Variants in ALDH1L2 observed in about 807,000 individuals in gnomAD.
The protein encoded by ALDH1L2 is mitochondrial 10-formyltetrahydrofolate dehydrogenase.
In ALDH1L2, 91 loss-of-function variants were observed where a neutral mutation model predicts 111.0. The observed-to-expected ratio is 0.82, with a 90% CI of 0.69 to 0.98. The LOEUF (loss-of-function observed/expected upper bound fraction) is 0.98. Among genes scored for constraint, ALDH1L2 ranks in the 50% least tolerant of loss-of-function variants. The pLI is 0.00. For synonymous variants in ALDH1L2, 374 were observed against 392.6 expected (o/e 0.95, Z 0.56); for missense variants, 995 against 1,126.8 (o/e 0.88, Z 1.67).
In ALDH1L2 at chr12:105,074,587, CTT is replaced by C. The variant is rs1877940772; in HGVS notation, c.49-584_49-583del. 2.7e-4 allele frequency among the ~76,000 whole-genome samples: 41 copies of C among 152,068 alleles called. No homozygotes were observed. In the South Asian group the frequency reaches 8.3e-3, roughly 31 times the overall value. On this transcript the variant is annotated intron_variant, in intron 1 of 22. Transcript: ENST00000258494. ...CGCAGAACTCTCTCTACTTTACATT[CTT>C]CCATGTTAGCATGTGGCTCCACGGG...
intron 22 of ALDH1L2, 37 bp from the exon 23 acceptor site, chr12:105,024,516 G>A (rs7304326): frequency 0.15 from 240,238 of 1,598,558 alleles, 24,827 homozygotes; most frequent in East Asian, 0.54. Flanking sequence ...ACCACATTCA[G>A]AGGCAGACAT....
chr12:105,034,652 T>C (rs370887281), intron 18 of ALDH1L2, among the ~76,000 whole-genome samples: 19 of 152,306 alleles, frequency 1.2e-4, no homozygotes, highest in African/African-American at 2.2e-4. Context: ...AATGTATGTG[T>C]AACAATAAAG....
chr12:105,048,222 G>A (rs1876032428), intron 13 of ALDH1L2: 1 of 152,196 alleles, frequency 6.6e-6, no homozygotes, highest in Admixed American at 6.5e-5. Context: ...AACTTGCAAA[G>A]TATGTATTAC....
intron 1 of ALDH1L2, among the ~76,000 whole-genome samples, chr12:105,079,188 G>A (rs1019530707): frequency 1.3e-5 from 2 of 152,140 alleles, no homozygotes; most frequent in Admixed American, 6.5e-5. Flanking sequence ...CAATCCACCT[G>A]TAGCATAGTC....
At chr12:105,039,881 C>T (rs1168315774) in intron 16 of ALDH1L2, 75 bp from the exon 17 acceptor site, 20 of 1,335,900 alleles carry the variant, frequency 1.5e-5, no homozygotes, top group South Asian at 4.7e-5. Context: ...CTGTAATCCC[C>T]GCACTTTGGG....
At chr12:105,031,972 TTAATAA>T (rs1874724434) in intron 19 of ALDH1L2, 38 bp from the exon 20 acceptor site, 1 of 1,600,540 alleles carries the variant, frequency 6.2e-7, no homozygotes, top group Non-Finnish European at 8.5e-7. Context: ...CAATTCACTG[TTAATAA>T]TAATGGAGTT....
At chr12:105,040,499 G>C (rs1875467725) in intron 16 of ALDH1L2, 108 bp downstream of exon 16, 1 of 1,005,904 alleles carries the variant, frequency 9.9e-7, no homozygotes. Context: ...ATTGTATTTA[G>C]TTTTAATACA....
At position 105,074,457 on chromosome 12, in the gene ALDH1L2, C is replaced by CAAAAAAAAAAAA. The variant is rs1565974203; in HGVS notation, c.49-453_49-452insTTTTTTTTTTTT. Among the ~76,000 whole-genome samples, 23 of 93,608 alleles carry CAAAAAAAAAAAA rather than the reference C, an allele frequency of 2.5e-4. 1 individual carries two copies. The highest frequency in any genetic ancestry group is 1.4e-3 in the African/African-American group (21 of 14,898). 61.4% of individuals were successfully genotyped at this position (93,608 alleles called of 152,430 possible). A position where few individuals can be genotyped will look rare whatever the true frequency, so the allele number is the denominator to read the frequency against. ...TGAGTGACAGAGCAAGACTCTGTCT[C>CAAAAAAAAAAAA]CAAAAAAAAAAAAAAAAAAAAAAAA... On this transcript the variant is annotated intron_variant, in intron 1 of 22. Transcript: ENST00000258494.
chr12:105,064,754 A>G (rs1210706854), intron 6 of ALDH1L2, among the ~76,000 whole-genome samples: 1 of 152,148 alleles, frequency 6.6e-6, no homozygotes, highest in African/African-American at 2.4e-5. Flanking sequence ...GGGCTGAGTC[A>G]ATTACCCATG....
chr12:105,026,463 A>T, intron 22 of ALDH1L2, 82 bp downstream of exon 22: 2 of 1,521,398 alleles, frequency 1.3e-6, no homozygotes, highest in Non-Finnish European at 1.8e-6. Flanking sequence ...CCTCAAAGTC[A>T]CACACAAGTC....
chr12:105,067,726 G>C (rs1245862021), intron 4 of ALDH1L2, among the ~76,000 whole-genome samples: 2 of 152,056 alleles, frequency 1.3e-5, no homozygotes, highest in Admixed American at 1.3e-4. Flanking sequence ...AGCACACGGA[G>C]GGAGCCACAG....
chr12:105,034,690 TAAAAG>T (rs1384898323), intron 18 of ALDH1L2, among the ~76,000 whole-genome samples: 10 of 152,256 alleles, frequency 6.6e-5, no homozygotes, highest in Admixed American at 1.3e-4. Context: ...AATTTTGTGT[TAAAAG>T]AAAATCTAGG....
At chr12:105,079,656 C>A (rs1333263612) in intron 1 of ALDH1L2, among the ~76,000 whole-genome samples, 1 of 152,046 alleles carries the variant, frequency 6.6e-6, no homozygotes, top group African/African-American at 2.4e-5. Flanking sequence ...ACAGAATTTA[C>A]TATAATATTT....
intron 1 of ALDH1L2, among the ~76,000 whole-genome samples, chr12:105,077,737 A>AT (rs1878136466): frequency 1.5e-5 from 2 of 136,686 alleles, no homozygotes; most frequent in South Asian, 2.4e-4. Context: ...TGCTCCAAGA[A>AT]TTAAAAAAAA....
At chr12:105,027,096 A>C (rs1874456193) in intron 21 of ALDH1L2, among the ~76,000 whole-genome samples, 1 of 152,224 alleles carries the variant, frequency 6.6e-6, no homozygotes, top group Non-Finnish European at 1.5e-5. Context: ...GCTGATCTCA[A>C]ACTCCTGGCC....
chr12:105,074,036 G>A (rs757378964), intron 1 of ALDH1L2, 31 bp from the exon 2 acceptor site: 1 of 1,613,490 alleles, frequency 6.2e-7, no homozygotes, highest in East Asian at 2.2e-5. Flanking sequence ...GAAGACATAA[G>A]CATGGATAGA....
At chr12:105,071,595 A>G (rs1877689430) in intron 2 of ALDH1L2, among the ~76,000 whole-genome samples, 2 of 126,944 alleles carry the variant, frequency 1.6e-5, no homozygotes, top group South Asian at 5.2e-4. Context: ...ATTTAAGTAC[A>G]CAGTTTTATA....
At position 105,052,816 on chromosome 12, in the gene ALDH1L2, C is replaced by A. The variant is rs1184801631; in HGVS notation, c.1403G>T (p.Gly468Val). ...TCACACTAAAGAATTACTCACAGAT[C>A]CATCTGTTGGGTTGATAGTGTCGTA... Reference protein sequence around the residue: ...KTYDTINPTDGSTICKVSYAS... With the variant: ...KTYDTINPTDVSTICKVSYAS... The change falls in exon 11 of 23, where the codon GGA becomes GTA. Residue 468 changes from glycine (G) to valine (V), a missense_variant. By Grantham distance (109) the Gly-to-Val change is moderately radical. Coordinates refer to ENST00000258494, the MANE Select transcript of ALDH1L2 (RefSeq NM_001034173.4). 1 of 1,613,962 alleles carries A rather than the reference C, an allele frequency of 6.2e-7. No individual in the cohort carries two copies. The highest frequency in any genetic ancestry group is 8.5e-7 in the Non-Finnish European group (1 of 1,179,998).
intron 10 of ALDH1L2, among the ~76,000 whole-genome samples, chr12:105,053,137 CAG>C (rs1329288891): frequency 2.0e-5 from 3 of 152,196 alleles, no homozygotes; most frequent in Admixed American, 2.0e-4. Context: ...GCTGTGAAGA[CAG>C]AAGTGCTCTA....
Sources: gnomAD v4.1 joint callset for allele counts (sites outside exome capture counted in the v4.1 genomes callset) on GRCh38, gnomAD v4.1.1 for gene constraint, MANE v1.5 for transcripts, NCBI Gene and HGNC (gene_info 2026-07-23, HGNC 2026-07-21) for gene names.